LRRC27: variants seen among roughly 807,000 people sequenced by gnomAD.
The protein encoded by LRRC27 is leucine rich repeat containing 27.
A neutral mutation model predicts 55.0 loss-of-function variants in LRRC27; 57 were observed. The observed-to-expected ratio is 1.04, with a 90% CI of 0.84 to 1.29. The LOEUF (loss-of-function observed/expected upper bound fraction) is 1.29, where lower values mean the gene tolerates loss of function less well. Among genes scored for constraint, LRRC27 ranks in the 50% most tolerant of loss-of-function variants. The pLI, the probability that LRRC27 is intolerant of heterozygous loss-of-function variation, is 0.00. For synonymous variants in LRRC27, 278 were observed against 251.9 expected (o/e 1.10, Z -0.98); for missense variants, 721 against 651.5 (o/e 1.11, Z -1.16).
chr10:132,337,149 C>T (rs1412644055), intron 2 of LRRC27: 32 of 1,193,278 alleles, frequency 2.7e-5, no homozygotes, highest in Non-Finnish European at 3.2e-5. Context: ...CCAGACCAGA[C>T]ATGGCTCTGG....
At chr10:132,336,492 A>C (rs548483120) in intron 2 of LRRC27, among the ~76,000 whole-genome samples, 190 of 152,348 alleles carry the variant, frequency 1.2e-3, no homozygotes, top group African/African-American at 4.5e-3. Flanking sequence ...TCCAGTTGGA[A>C]TCTGTCAGTG....
Position 132,337,500 on chromosome 10 carries a change from G to A in LRRC27, c.211-65G>A. The A allele has an allele frequency of 1.9e-6, 3 of 1,589,858 alleles. No homozygotes were observed. In the South Asian group the frequency reaches 3.4e-5, roughly 18 times the overall value. On this transcript the variant is annotated intron_variant, in intron 2 of 10. Transcript: ENST00000368614. ...GTAGTTCTTTTGGAAATAGATTTTG[G>A]ATATATCATGTTTTACAAATTAGTT...
At chr10:132,354,806 A>C (rs943065596) in intron 7 of LRRC27, among the ~76,000 whole-genome samples, 1 of 152,134 alleles carries the variant, frequency 6.6e-6, no homozygotes, top group Non-Finnish European at 1.5e-5. Context: ...GGGAGAAACA[A>C]GAGGAGGCCG....
upstream of LRRC27, chr10:132,331,567 G>C: frequency 1.2e-6 from 2 of 1,612,968 alleles, no homozygotes; most frequent in Non-Finnish European, 1.7e-6. Flanking sequence ...CCTGTGGGAA[G>C]TGGCTCCAGG....
At chr10:132,370,971 C>T (rs1231136256) in intron 10 of LRRC27, among the ~76,000 whole-genome samples, 4 of 152,242 alleles carry the variant, frequency 2.6e-5, no homozygotes, top group Admixed American at 6.5e-5. Flanking sequence ...CCCGCAGCAG[C>T]GTTAGAGACG....
chr10:132,367,827 T>C (rs1448374365), intron 10 of LRRC27, among the ~76,000 whole-genome samples: 1 of 152,238 alleles, frequency 6.6e-6, no homozygotes, highest in Non-Finnish European at 1.5e-5. Flanking sequence ...CTCTCACTGC[T>C]GCTTTTCAGC....
At chr10:132,331,967 C>T, upstream of LRRC27, 1 of 502,218 alleles carries the variant, frequency 2.0e-6, no homozygotes, top group Non-Finnish European at 3.4e-6. Context: ...GCACCACACC[C>T]CGCCCCCTCC....
In LRRC27 at chr10:132,339,080, C is replaced by T. The variant is rs893253116; in HGVS notation, c.341+1385C>T. Among the ~76,000 whole-genome samples the T allele has an allele frequency of 2.6e-5, 4 of 152,166 alleles. No individual in the cohort carries two copies. In the East Asian group the frequency reaches 7.7e-4, roughly 29 times the overall value. On this transcript the variant is annotated intron_variant, in intron 3 of 10. Transcript: ENST00000368614. ...GCTGGGGCCACGGCAGCAGCCCATG[C>T]AGGAGGGGCAGCCTGGGCGTGGCTG...
At chr10:132,338,108 G>A (rs2067219368) in intron 3 of LRRC27, among the ~76,000 whole-genome samples, 1 of 152,190 alleles carries the variant, frequency 6.6e-6, no homozygotes, top group Non-Finnish European at 1.5e-5. Flanking sequence ...CTGAGGTCAG[G>A]AGTTTGAGAC....
At chr10:132,353,185 C>T (rs1194003371) in intron 7 of LRRC27, 18 of 1,402,532 alleles carry the variant, frequency 1.3e-5, no homozygotes, top group Non-Finnish European at 1.7e-5. Flanking sequence ...GAAGGGAGAG[C>T]GAGGGCCTCG....
intron 10 of LRRC27, among the ~76,000 whole-genome samples, chr10:132,371,771 A>G (rs1405440156): frequency 6.6e-6 from 1 of 152,238 alleles, no homozygotes; most frequent in East Asian, 1.9e-4. Context: ...CCTGGCTGGA[A>G]TGCAAACATG....
Position 132,353,084 on chromosome 10 carries a change from G to T in LRRC27, c.1073+1331G>T, listed in dbSNP as rs866315220. 3.3e-6 allele frequency: 5 copies of T among 1,516,102 alleles called. No individual in the cohort carries two copies. In the African/African-American group the frequency reaches 5.5e-5, roughly 17 times the overall value. The allele number at this position is 1,516,102 out of a possible 1,614,324, so 93.9% of individuals were successfully genotyped here. A position where few individuals can be genotyped will look rare whatever the true frequency, so the allele number is the denominator to read the frequency against. On this transcript the variant is annotated intron_variant, in intron 7 of 10. Transcript: ENST00000368614. ...ACCCCTCCCTGGGCCCCAGGAGTCC[G>T]GCTGGCATGGACCACAGCCACAGCA...
At chr10:132,366,871 T>C in intron 10 of LRRC27, 1 of 1,284,692 alleles carries the variant, frequency 7.8e-7, no homozygotes, top group Non-Finnish European at 1.0e-6. Context: ...AGAGGAGGCA[T>C]GAGGGCAGGA....
At position 132,370,294 on chromosome 10, in the gene LRRC27, C is replaced by T. The variant is rs3750853; in HGVS notation, c.1416+4744C>T. Among the ~76,000 whole-genome samples, 127 of 152,320 alleles carry T rather than the reference C, an allele frequency of 8.3e-4. 2 individuals carry two copies. In the East Asian group the frequency reaches 0.021, roughly 25 times the overall value. ...ACCGGCTCCTGTCGTGTGCCCAACTCCAAGTTACTGCCAAGATCCAGGGAG... is the reference window on the plus strand; with the variant it reads ...ACCGGCTCCTGTCGTGTGCCCAACTTCAAGTTACTGCCAAGATCCAGGGAG... On this transcript the variant is annotated intron_variant, in intron 10 of 10. Transcript: ENST00000368614.
Position 132,380,972 on chromosome 10 carries a change from T to G in LRRC27, c.*5730T>G, listed in dbSNP as rs2069404029. Among the ~76,000 whole-genome samples the G allele has an allele frequency of 6.6e-6, 1 of 152,232 alleles. No individual in the cohort carries two copies. Among genetic ancestry groups the G allele is most frequent in the Admixed American group, 6.5e-5 (1 of 15,284 alleles). On this transcript the variant is annotated 3_prime_UTR_variant, in exon 11 of 11. Coordinates refer to ENST00000368614, the MANE Select transcript of LRRC27 (RefSeq NM_030626.3). The stretch of plus-strand genomic sequence containing the variant: ...CTTTCTGTGAAATACCTTTTTATCT[T>G]GTATTGGGAATGCAGCTTTTATGTG...
At position 132,342,265 on chromosome 10, in the gene LRRC27, G is replaced by A. The variant is rs780271385; in HGVS notation, c.394G>A (p.Glu132Lys). The A allele has an allele frequency of 4.5e-6, 7 of 1,540,636 alleles. No homozygotes were observed. In the Admixed American group the frequency reaches 1.1e-4, roughly 25 times the overall value. The change falls in exon 4 of 11, where the codon GAG becomes AAG. Residue 132 changes from glutamate (E) to lysine (K), a missense_variant. Physicochemically the swap from Glu to Lys is moderately conservative, Grantham distance 56. Coordinates refer to ENST00000368614, the MANE Select transcript of LRRC27 (RefSeq NM_030626.3). ...ERNPIKMLPV[E>K]LGSVTTLKAL... Reference sequence around the variant, plus strand: ...AAATCCTATCAAAATGTTACCTGTGGAGCTGGGTAAGTATAAAATAATAAA... The same window carrying A: ...AAATCCTATCAAAATGTTACCTGTGAAGCTGGGTAAGTATAAAATAATAAA...
rs1016589630 is a variant in LRRC27, at chr10:132,351,900, C to T, written c.1073+147C>T. On this transcript the variant is annotated intron_variant, in intron 7 of 10. Transcript: ENST00000368614. ...GATCCAGGATCCGTCTCTTCCTCACCTGGAAGCCGAGCTGCACGTGCCCCT... is the reference window on the plus strand; with the variant it reads ...GATCCAGGATCCGTCTCTTCCTCACTTGGAAGCCGAGCTGCACGTGCCCCT... 4.7e-6 allele frequency: 5 copies of T among 1,063,070 alleles called. No individual in the cohort carries two copies. In the South Asian group the frequency reaches 8.3e-5, roughly 18 times the overall value. 65.9% of individuals were successfully genotyped at this position (1,063,070 alleles called of 1,614,324 possible).
Position 132,360,342 on chromosome 10 carries a change from C to T in LRRC27, c.1171-1115C>T, listed in dbSNP as rs117884983. On this transcript the variant is annotated intron_variant, in intron 8 of 10. Coordinates refer to ENST00000368614, the MANE Select transcript of LRRC27 (RefSeq NM_030626.3). ...AACTCCTGACCTCAAGCAGTCCACC[C>T]GCCCCGGCCTCCCAAAGTGCTGGGA... 1.2e-3 allele frequency among the ~76,000 whole-genome samples: 185 copies of T among 152,342 alleles called. No homozygotes were observed. The East Asian group carries it at 0.031, about 25-fold the overall frequency.
At chr10:132,365,590 T>C in intron 10 of LRRC27, 40 bp downstream of exon 10, 1 of 1,600,680 alleles carries the variant, frequency 6.2e-7, no homozygotes, top group Middle Eastern at 1.7e-4. Flanking sequence ...GTGTGGGGTG[T>C]TTTTTGTTTT....
Sources: gnomAD v4.1 joint callset for allele counts (sites outside exome capture counted in the v4.1 genomes callset) on GRCh38, gnomAD v4.1.1 for gene constraint, MANE v1.5 for transcripts, NCBI Gene and HGNC (gene_info 2026-07-23, HGNC 2026-07-21) for gene names.